The following ELK4 variants were observed in gnomAD, a reference collection of about 807,000 sequenced individuals.
ELK4 encodes ETS transcription factor ELK4, also known as ETS domain-containing protein Elk-4.
ELK4 carries 16 observed loss-of-function variants against 29.6 expected under a neutral mutation model. The observed-to-expected ratio is 0.54, with a 90% CI of 0.37 to 0.82. The LOEUF is 0.82. Among genes scored for constraint, ELK4 ranks in the 40% least tolerant of loss-of-function variants. ELK4 has a pLI of 0.00. For missense variants in ELK4, 465 were observed against 507.1 expected (o/e 0.92, Z 0.80); for synonymous variants, 213 against 191.1 (o/e 1.11, Z -0.95).
chr1:205,631,202 G>A (rs113121169), intron 1 of ELK4, among the ~76,000 whole-genome samples: 2 of 152,264 alleles, frequency 1.3e-5, no homozygotes, highest in African/African-American at 4.8e-5. Flanking sequence ...CGAGCTAGGG[G>A]AGAGGAAGAA....
At position 205,620,684 on chromosome 1, in the gene ELK4, T is replaced by TCC; in HGVS notation, c.360_361dup (p.Glu121GlyfsTer36). ...AGGTGGTTTATCTTTCCCTCCATTC[T>TCC]CCACATCTTTGGAACTGCTGCTGAC... On this transcript the variant is annotated frameshift_variant, in exon 3 of 5. Coordinates refer to ENST00000357992, the MANE Select transcript of ELK4 (RefSeq NM_001973.4). LOFTEE classifies it high-confidence loss of function. 1 of 1,614,162 alleles carries TCC rather than the reference T, an allele frequency of 6.2e-7. No individual in the cohort carries two copies. Among genetic ancestry groups the TCC allele is most frequent in the Non-Finnish European group, 8.5e-7 (1 of 1,180,014 alleles).
intron 1 of ELK4, among the ~76,000 whole-genome samples, chr1:205,624,416 G>A (rs972395900): frequency 6.6e-6 from 1 of 152,118 alleles, no homozygotes; most frequent in Non-Finnish European, 1.5e-5. Flanking sequence ...AGGGACTGAG[G>A]TGTAGGGAAT....
rs1403195198 is a variant in ELK4, at chr1:205,608,233, AG to A, written c.*8312del. 6.2e-5 allele frequency: 12 copies of A among 193,710 alleles called. No homozygotes were observed. Among genetic ancestry groups the A allele is most frequent in the African/African-American group, 2.8e-4 (12 of 43,298 alleles). 12.0% of individuals were successfully genotyped at this position (193,710 alleles called of 1,614,324 possible). A position where few individuals can be genotyped will look rare whatever the true frequency, so the allele number is the denominator to read the frequency against. ...AGAAAAAATGATCACCTGATTGGTC[AG>A]AGCAACCCCTTACTATGTCTGGAGA... is the stretch of plus-strand genomic sequence containing the variant. On this transcript the variant is annotated 3_prime_UTR_variant, in exon 5 of 5. Transcript: ENST00000357992.
intron 1 of ELK4, chr1:205,625,590 G>T (rs934134436): frequency 1.6e-6 from 2 of 1,216,952 alleles, no homozygotes; most frequent in Non-Finnish European, 2.4e-6. Flanking sequence ...AGTAGAAAAG[G>T]CTCCCAAAGC....
chr1:205,629,344 C>T (rs1670531539), intron 1 of ELK4, among the ~76,000 whole-genome samples: 1 of 152,132 alleles, frequency 6.6e-6, no homozygotes. Context: ...AAGCAGCCAA[C>T]GTCTTCTTAC....
At position 205,615,568 on chromosome 1, in the gene ELK4, GAA is replaced by G. The variant is rs772534242; in HGVS notation, c.*976_*977del. 8 of 192,160 alleles carry G rather than the reference GAA, an allele frequency of 4.2e-5. No individual in the cohort carries two copies. Among genetic ancestry groups the G allele is most frequent in the Non-Finnish European group, 6.5e-5 (6 of 92,002 alleles). 11.9% of individuals were successfully genotyped at this position (192,160 alleles called of 1,614,324 possible). Reference sequence around the variant, plus strand: ...GTAGAAAATGAGGTAAAATGAACAGGAAAAAGACAGGTCCTTCACTTGGTTAT... The same window carrying G: ...GTAGAAAATGAGGTAAAATGAACAGGAAAGACAGGTCCTTCACTTGGTTAT... On this transcript the variant is annotated 3_prime_UTR_variant, in exon 5 of 5. Transcript: ENST00000357992.
chr1:205,625,478 A>T, intron 1 of ELK4: 1 of 684,672 alleles, frequency 1.5e-6, no homozygotes, highest in East Asian at 2.8e-5. Context: ...CGGGTTCCCA[A>T]CAGGATGAAA....
rs191369907 is a variant in ELK4 at position 205,620,842 on chromosome 1, T to C, written c.208-4A>G. ...CATTCACTTTTTTGATGATATTCTG[T>C]AGGTTAAAAAAAAAAGCATTTTTAT... On this transcript the variant is annotated splice_polypyrimidine_tract_variant and splice_region_variant and intron_variant, in intron 2 of 4. Transcript: ENST00000357992. 979 of 1,590,254 alleles carry C rather than the reference T, an allele frequency of 6.2e-4. 4 individuals are homozygous for C. The African/African-American group carries it at 7.5e-3, about 12-fold the overall frequency.
Position 205,616,550 on chromosome 1 carries a change from G to A in ELK4, c.1292C>T (p.Thr431Ile). Residue 431 changes from threonine to isoleucine, a missense_variant, in exon 5 of 5, where the codon ACA becomes ATA. Thr to Ile is a moderately conservative substitution (Grantham distance 89, BLOSUM62 -1). Coordinates refer to ENST00000357992, the MANE Select transcript of ELK4 (RefSeq NM_001973.4). ...CTCATTCCACAAGTGCATAGGTTAT[G>A]TCTTCTGTAGGTCTGGGGAAAATGG... Reference protein sequence around the residue: ...PGPFSPDLQKT With the variant: ...PGPFSPDLQKI 6.2e-7 allele frequency: 1 copy of A among 1,613,968 alleles called. No homozygotes were observed. The highest frequency in any genetic ancestry group is 1.1e-5 in the South Asian group (1 of 91,070).
rs1375385468 is a variant in ELK4 at position 205,614,063 on chromosome 1, C to T, written c.*2483G>A. ...ACTTTGACTTAAAAAAGGATACGCA[C>T]ACACACACTTCTCCAAATTAGTTGA... On this transcript the variant is annotated 3_prime_UTR_variant, in exon 5 of 5. Transcript: ENST00000357992. The T allele has an allele frequency of 4.4e-6, 1 of 225,230 alleles. No homozygotes were observed. The highest frequency in any genetic ancestry group is 6.4e-5 in the East Asian group (1 of 15,634). 14.0% of individuals were successfully genotyped at this position (225,230 alleles called of 1,614,324 possible).
intron 2 of ELK4, among the ~76,000 whole-genome samples, chr1:205,623,312 CTT>C (rs1224816064): frequency 1.5e-4 from 21 of 137,306 alleles, no homozygotes; most frequent in Admixed American, 3.0e-4. Flanking sequence ...AACAAGGAAT[CTT>C]TTTTTTTTTT....
intron 2 of ELK4, among the ~76,000 whole-genome samples, chr1:205,621,193 TAAAAAAAAAAAA>T (rs61338827): frequency 7.7e-5 from 6 of 77,454 alleles, no homozygotes; most frequent in Admixed American, 1.6e-4. Context: ...GAGTCTGTCT[TAAAAAAAAAAAA>T]AAAAAAAAAA....
chr1:205,631,995 TC>T lies in ELK4; in HGVS notation c.-374del, dbSNP rs1188770770. On this transcript the variant is annotated 5_prime_UTR_variant, in exon 1 of 5. Coordinates refer to ENST00000357992, the MANE Select transcript of ELK4 (RefSeq NM_001973.4). ...CTCAAACCCCCCGACTGCTCCTGGG[TC>T]CCTCCCAGACGCCGTAGTCGCTACA... is the stretch of plus-strand genomic sequence containing the variant. 1.3e-5 allele frequency: 2 copies of T among 151,684 alleles called. No homozygotes were observed. Among genetic ancestry groups the T allele is most frequent in the Non-Finnish European group, 2.9e-5 (2 of 67,922 alleles). The allele number at this position is 151,684 out of a possible 1,614,324, so 9.4% of individuals were successfully genotyped here. A position where few individuals can be genotyped will look rare whatever the true frequency, so the allele number is the denominator to read the frequency against.
chr1:205,624,612 A>G (rs1670417061), intron 1 of ELK4, among the ~76,000 whole-genome samples: 2 of 152,208 alleles, frequency 1.3e-5, no homozygotes, highest in Non-Finnish European at 2.9e-5. Context: ...TTGAAGAAAA[A>G]TATTTTAATA....
rs1368917563 is a variant in ELK4 at position 205,610,452 on chromosome 1, T to C, written c.*6094A>G. The C allele has an allele frequency of 1.3e-5, 3 of 230,122 alleles. No individual in the cohort carries two copies. Among genetic ancestry groups the C allele is most frequent in the African/African-American group, 4.4e-5 (2 of 45,190 alleles). 14.3% of individuals were successfully genotyped at this position (230,122 alleles called of 1,614,324 possible). On this transcript the variant is annotated 3_prime_UTR_variant, in exon 5 of 5. Transcript: ENST00000357992. ...ACTGCTTCCAGTATAAACCTCCTCT[T>C]TGAGAAACTTACAAACTAATAAAGA...
At chr1:205,631,275 C>A (rs1257480791) in intron 1 of ELK4, among the ~76,000 whole-genome samples, 3 of 152,092 alleles carry the variant, frequency 2.0e-5, no homozygotes, top group Non-Finnish European at 4.4e-5. Context: ...GCAACCTCAC[C>A]GGGCCTTGGT....
In ELK4 at chr1:205,614,063, C is replaced by G. The variant is rs1375385468; in HGVS notation, c.*2483G>C. 8.9e-6 allele frequency: 2 copies of G among 225,230 alleles called. No homozygotes were observed. Among genetic ancestry groups the G allele is most frequent in the Non-Finnish European group, 1.8e-5 (2 of 113,054 alleles). The allele number at this position is 225,230 out of a possible 1,614,324, so 14.0% of individuals were successfully genotyped here. A position where few individuals can be genotyped will look rare whatever the true frequency, so the allele number is the denominator to read the frequency against. On this transcript the variant is annotated 3_prime_UTR_variant, in exon 5 of 5. Transcript: ENST00000357992. ...ACTTTGACTTAAAAAAGGATACGCA[C>G]ACACACACTTCTCCAAATTAGTTGA...
At position 205,612,421 on chromosome 1, in the gene ELK4, CAATTT is replaced by C. The variant is rs572849972; in HGVS notation, c.*4120_*4124del. Reference sequence around the variant, plus strand: ...TTACTTTTTATGCCATCCTTCACTTCAATTTTTGTGTATTTTTTTATAACACACAT... The same window carrying C: ...TTACTTTTTATGCCATCCTTCACTTCTTGTGTATTTTTTTATAACACACAT... On this transcript the variant is annotated 3_prime_UTR_variant, in exon 5 of 5. Transcript: ENST00000357992. The C allele has an allele frequency of 2.3e-5, 5 of 217,610 alleles. No individual in the cohort carries two copies. In the South Asian group the frequency reaches 9.3e-4, roughly 40 times the overall value. The allele number at this position is 217,610 out of a possible 1,614,324, so 13.5% of individuals were successfully genotyped here.
At chr1:205,621,770 C>T (rs771486486) in intron 2 of ELK4, among the ~76,000 whole-genome samples, 1 of 152,174 alleles carries the variant, frequency 6.6e-6, no homozygotes, top group East Asian at 2.0e-4. Context: ...CCACCCACCC[C>T]GGCCTCCCAA....
Sources: allele counts gnomAD v4.1 joint callset (sites outside exome capture counted in the v4.1 genomes callset), GRCh38; gene constraint gnomAD v4.1.1; transcripts MANE v1.5; gene names NCBI Gene and HGNC (gene_info 2026-07-23, HGNC 2026-07-21).